Variants in ENTPD1 observed in about 807,000 individuals in gnomAD.
The protein encoded by ENTPD1 is ATP diphosphohydrolase.
Under a neutral mutation model 57.0 loss-of-function variants are expected in ENTPD1, and 33 were observed. The ratio of observed to expected loss-of-function variants is 0.58; its 90% confidence interval spans 0.44 to 0.77. The LOEUF is 0.77. ENTPD1 is among the 30% of genes least tolerant of loss of function. ENTPD1 has a pLI of 0.00. For synonymous variants in ENTPD1, 202 were observed against 218.8 expected (o/e 0.92, Z 0.68); for missense variants, 501 against 603.4 (o/e 0.83, Z 1.78).
At chr10:95,737,628 C>A (rs1049991031) in intron 1 of ENTPD1, among the ~76,000 whole-genome samples, 1 of 152,116 alleles carries the variant, frequency 6.6e-6, no homozygotes, top group African/African-American at 2.4e-5. Context: ...CTCAGGTGAT[C>A]CACCTGCTTC....
intron 8 of ENTPD1, among the ~76,000 whole-genome samples, chr10:95,862,486 C>T (rs1053364592): frequency 2.0e-5 from 3 of 152,312 alleles, no homozygotes. Context: ...CAGTGGTGGA[C>T]ATTTGCTTGC....
intron 1 of ENTPD1, among the ~76,000 whole-genome samples, chr10:95,811,540 A>T (rs1183304873): frequency 1.3e-5 from 2 of 152,044 alleles, no homozygotes; most frequent in Non-Finnish European, 2.9e-5. Context: ...AGCACACGCC[A>T]CCATACCTGG....
Position 95,847,466 on chromosome 10 carries a change from C to T in ENTPD1, c.834C>T (p.Leu278=), listed in dbSNP as rs780370619. The T allele has an allele frequency of 2.9e-4, 467 of 1,614,014 alleles. No homozygotes were observed. The highest frequency in any genetic ancestry group is 3.9e-4 in the Non-Finnish European group (457 of 1,180,030). Residue 278 remains leucine, a synonymous_variant, in exon 7 of 10, where the codon CTC becomes CTT. Coordinates refer to ENST00000371205, the MANE Select transcript of ENTPD1 (RefSeq NM_001776.6). ...TTCAGGTTGCAAGTAATGAAATTCT[C>T]AGGGACCCATGCTTTCATCCTGGAT... ...KDIQVASNEI[L]RDPCFHPGYK...
intron 1 of ENTPD1, among the ~76,000 whole-genome samples, chr10:95,744,141 C>G (rs2098003520): frequency 6.6e-6 from 1 of 151,386 alleles, no homozygotes; most frequent in African/African-American, 2.4e-5. Flanking sequence ...ATGGATCATT[C>G]TAGCCATTTC....
intron 1 of ENTPD1, among the ~76,000 whole-genome samples, chr10:95,726,453 G>T (rs2097983750): frequency 1.3e-5 from 2 of 151,996 alleles, no homozygotes; most frequent in Admixed American, 6.6e-5. Flanking sequence ...TTCTTTTAGG[G>T]TATATATGCT....
chr10:95,721,141 G>C (rs2097976969), intron 1 of ENTPD1, among the ~76,000 whole-genome samples: 1 of 152,126 alleles, frequency 6.6e-6, no homozygotes, highest in African/African-American at 2.4e-5. Context: ...CTTCCTCAGT[G>C]CCTCCCTTAG....
Position 95,845,523 on chromosome 10 carries a change from A to G in ENTPD1, c.740A>G (p.Asn247Ser), listed in dbSNP as rs780312005. The G allele has an allele frequency of 1.5e-5, 24 of 1,614,090 alleles. No homozygotes were observed. In the East Asian group the frequency reaches 1.6e-4, roughly 10 times the overall value. Reference protein sequence around the residue: ...LQFRLYGKDYNVYTHSFLCYG... With the variant: ...LQFRLYGKDYSVYTHSFLCYG... Reference sequence around the variant, plus strand: ...TTTCGCCTCTATGGCAAGGACTACAATGTCTACACACATAGCTTCTTGTGC... The same window carrying G: ...TTTCGCCTCTATGGCAAGGACTACAGTGTCTACACACATAGCTTCTTGTGC... The change falls in exon 6 of 10, where the codon AAT (asparagine) becomes AGT (serine). Residue 247 changes from asparagine (N) to serine (S), a missense_variant. Coordinates refer to ENST00000371205, the MANE Select transcript of ENTPD1 (RefSeq NM_001776.6).
chr10:95,794,252 A>G (rs1038983631), intron 1 of ENTPD1, among the ~76,000 whole-genome samples: 4 of 151,322 alleles, frequency 2.6e-5, no homozygotes, highest in East Asian at 1.9e-4. Context: ...CAAAAATGTG[A>G]AAAAAAAAGT....
chr10:95,811,129 A>C (rs931630780), intron 1 of ENTPD1, among the ~76,000 whole-genome samples: 3 of 152,198 alleles, frequency 2.0e-5, no homozygotes, highest in African/African-American at 7.2e-5. Context: ...CAGATACATA[A>C]CCCCAGAGGG....
At chr10:95,832,095 A>C (rs2098398243) in intron 2 of ENTPD1, among the ~76,000 whole-genome samples, 1 of 152,232 alleles carries the variant, frequency 6.6e-6, no homozygotes. Flanking sequence ...TAGTTGCTCC[A>C]GAGAAGTTTG....
intron 1 of ENTPD1, among the ~76,000 whole-genome samples, chr10:95,733,607 G>A (rs1245217041): frequency 6.6e-6 from 1 of 152,202 alleles, no homozygotes; most frequent in Non-Finnish European, 1.5e-5. Flanking sequence ...ACTAATAAAT[G>A]TCCATGAAAT....
chr10:95,808,783 C>A (rs2098283539), intron 1 of ENTPD1, among the ~76,000 whole-genome samples: 1 of 150,336 alleles, frequency 6.7e-6, no homozygotes, highest in Non-Finnish European at 1.5e-5. Context: ...GGGGATGTGG[C>A]AGGGTAATAG....
At chr10:95,740,378 G>T (rs1018998990) in intron 1 of ENTPD1, among the ~76,000 whole-genome samples, 2 of 152,194 alleles carry the variant, frequency 1.3e-5, no homozygotes, top group African/African-American at 4.8e-5. Context: ...GCTTGCCTTG[G>T]CTTCCCAAAG....
chr10:95,732,540 G>A (rs1257661632), intron 1 of ENTPD1, among the ~76,000 whole-genome samples: 1 of 152,176 alleles, frequency 6.6e-6, no homozygotes, highest in East Asian at 1.9e-4. Context: ...CTCAAATGCA[G>A]TGGTCGTGAA....
intron 1 of ENTPD1, among the ~76,000 whole-genome samples, chr10:95,815,301 C>A (rs186035570): frequency 6.6e-6 from 1 of 152,322 alleles, no homozygotes; most frequent in African/African-American, 2.4e-5. Context: ...TGGATCAAAT[C>A]CCTGTTCTGC....
At chr10:95,742,800 C>T (rs999788029) in intron 1 of ENTPD1, among the ~76,000 whole-genome samples, 4 of 152,026 alleles carry the variant, frequency 2.6e-5, no homozygotes, top group African/African-American at 7.2e-5. Context: ...AAGGGGTTTC[C>T]GGTACAACAG....
chr10:95,718,137 G>C (rs2097973678), intron 1 of ENTPD1, among the ~76,000 whole-genome samples: 1 of 152,184 alleles, frequency 6.6e-6, no homozygotes, highest in Non-Finnish European at 1.5e-5. Context: ...TGGTAGTACA[G>C]TGGCATGGAG....
chr10:95,719,172 A>G (rs941050788), intron 1 of ENTPD1, among the ~76,000 whole-genome samples: 15 of 152,236 alleles, frequency 9.9e-5, no homozygotes, highest in African/African-American at 3.4e-4. Flanking sequence ...CCACTACATC[A>G]ATTTCCTTAC....
chr10:95,760,462 G>A (rs1159363093), intron 1 of ENTPD1, among the ~76,000 whole-genome samples: 2 of 152,222 alleles, frequency 1.3e-5, no homozygotes, highest in East Asian at 1.9e-4. Flanking sequence ...GAAGGCAGAA[G>A]TACAGAGTTT....
Sources: allele counts gnomAD v4.1 joint callset (sites outside exome capture counted in the v4.1 genomes callset), GRCh38; gene constraint gnomAD v4.1.1; transcripts MANE v1.5; gene names NCBI Gene and HGNC (gene_info 2026-07-23, HGNC 2026-07-21).